The following BLTP1 variants were observed in gnomAD, a reference collection of about 807,000 sequenced individuals.
BLTP1 encodes fragile site-associated protein.
At chr4:122,225,822 G>A in the BLTP1 span, 17 of 152,086 alleles carry the variant, frequency 1.1e-4, no homozygotes, top group African/African-American at 3.1e-4. Context: ...CCATCCCTAA[G>A]TATACTAGTA....
At chr4:122,292,957 C>T in the BLTP1 span, 1 of 541,812 alleles carries the variant, frequency 1.8e-6, no homozygotes, top group Non-Finnish European at 2.3e-6. Flanking sequence ...AAAGGCTAAT[C>T]CAAAAAAAAA....
the BLTP1 span, among the ~76,000 whole-genome samples, chr4:122,173,819 A>T: frequency 2.6e-5 from 4 of 152,118 alleles, no homozygotes; most frequent in Non-Finnish European, 4.4e-5. Flanking sequence ...AAAGATGCTC[A>T]TTAAAAGAGT....
the BLTP1 span, chr4:122,337,145 G>C: frequency 2.4e-6 from 2 of 818,104 alleles, no homozygotes; most frequent in Non-Finnish European, 3.9e-6. Context: ...CCTTTAGTAT[G>C]TTTGTGATGG....
chr4:122,307,167 T>G, the BLTP1 span, among the ~76,000 whole-genome samples: 1 of 152,130 alleles, frequency 6.6e-6, no homozygotes, highest in Non-Finnish European at 1.5e-5. Context: ...GACCCAAGTT[T>G]AAACATGAAA....
the BLTP1 span, chr4:122,257,504 G>A: frequency 6.2e-7 from 1 of 1,613,728 alleles, no homozygotes; most frequent in South Asian, 1.1e-5. Context: ...AGGTAGTTTT[G>A]TAAGCCTCTA....
the BLTP1 span, chr4:122,237,228 G>C: frequency 1.0e-6 from 1 of 985,290 alleles, no homozygotes; most frequent in East Asian, 1.1e-4. Flanking sequence ...GGAGGAGGGG[G>C]AAGTTGAGCA....
the BLTP1 span, chr4:122,247,086 T>A: frequency 6.7e-7 from 1 of 1,489,214 alleles, no homozygotes; most frequent in South Asian, 1.2e-5. Context: ...AAAGGAAACC[T>A]TTTAGGTAAA....
chr4:122,217,599 G>A, the BLTP1 span, among the ~76,000 whole-genome samples: 1 of 152,036 alleles, frequency 6.6e-6, no homozygotes, highest in Admixed American at 6.6e-5. Context: ...TTTTTGATAT[G>A]CTCTTAGATT....
chr4:122,348,582 C>T, the BLTP1 span: 7 of 1,597,372 alleles, frequency 4.4e-6, no homozygotes, highest in South Asian at 3.4e-5. Flanking sequence ...CTTTCAAAAA[C>T]ATCAACTCCT....
the BLTP1 span, chr4:122,178,233 C>CA: frequency 2.7e-6 from 2 of 733,852 alleles, no homozygotes; most frequent in Middle Eastern, 7.0e-4. Flanking sequence ...ATAAACAACT[C>CA]AATCAAAATT....
the BLTP1 span, among the ~76,000 whole-genome samples, chr4:122,160,410 A>G: frequency 1.3e-5 from 2 of 152,332 alleles, no homozygotes; most frequent in East Asian, 1.9e-4. Context: ...AGAGGGTCCT[A>G]CAAATCACTG....
At chr4:122,175,791 A>C in the BLTP1 span, 1 of 1,188,676 alleles carries the variant, frequency 8.4e-7, no homozygotes, top group South Asian at 1.3e-5. Context: ...TGGAATAACT[A>C]AGAAATGAGT....
chr4:122,250,177 A>T, the BLTP1 span: 13 of 320,270 alleles, frequency 4.1e-5, no homozygotes, highest in South Asian at 1.2e-4. Context: ...TACTATAAAT[A>T]ATAGTAGTTG....
chr4:122,281,515 TA>T, the BLTP1 span: 44 of 1,553,172 alleles, frequency 2.8e-5, no homozygotes, highest in Non-Finnish European at 9.5e-6. Flanking sequence ...ATTTTTTAAT[TA>T]TTTTTTTTTT....
At chr4:122,235,144 G>T in the BLTP1 span, 1 of 951,564 alleles carries the variant, frequency 1.1e-6, no homozygotes, top group South Asian at 1.8e-5. Flanking sequence ...TTATGAGTAG[G>T]GTTTAGTATA....
At chr4:122,348,559 A>G in the BLTP1 span, 5 of 1,580,712 alleles carry the variant, frequency 3.2e-6, no homozygotes, top group South Asian at 3.6e-5. Flanking sequence ...TGATTTTTCT[A>G]TTTTTAGATT....
At chr4:122,359,554 T>C in the BLTP1 span, 2 of 1,607,994 alleles carry the variant, frequency 1.2e-6, no homozygotes, top group South Asian at 1.1e-5. Flanking sequence ...ATTTTCCTTA[T>C]AGCCATCTTT....
At chr4:122,278,326 G>A in the BLTP1 span, among the ~76,000 whole-genome samples, 7 of 152,218 alleles carry the variant, frequency 4.6e-5, no homozygotes, top group Non-Finnish European at 7.4e-5. Flanking sequence ...AGAGAAATGC[G>A]CACCCTTTAA....
At chr4:122,155,983 T>C in the BLTP1 span, 5 of 972,648 alleles carry the variant, frequency 5.1e-6, no homozygotes, top group Non-Finnish European at 6.1e-6. Context: ...TTTATGCATA[T>C]GTTAATGTTT....
Sources: allele counts gnomAD v4.1 joint callset (sites outside exome capture counted in the v4.1 genomes callset), GRCh38; gene constraint gnomAD v4.1.1; transcripts MANE v1.5; gene names NCBI Gene and HGNC (gene_info 2026-07-23, HGNC 2026-07-21).